The following MEIS2 variants were observed in gnomAD, a reference collection of about 807,000 sequenced individuals.
MEIS2 encodes the protein Meis homeobox 2.
Under a neutral mutation model 58.6 loss-of-function variants are expected in MEIS2, and 9 were observed. The ratio of observed to expected loss-of-function variants is 0.15; its 90% CI spans 0.09 to 0.27. The LOEUF (loss-of-function observed/expected upper bound fraction) is 0.27, where lower values mean the gene tolerates loss of function less well. Ranked by LOEUF, MEIS2 falls within the 10% of genes least tolerant of loss-of-function variation. The probability of loss-of-function intolerance (pLI) is 1.00; values close to 1 mark genes in which losing one functional copy is unlikely to be tolerated. For missense variants in MEIS2, 427 were observed against 635.0 expected, an observed-to-expected ratio of 0.67 and a Z score of 3.52; for synonymous variants, 221 against 228.4, an observed-to-expected ratio of 0.97 and a Z score of 0.29.
rs187186165 is a variant in MEIS2, at chr15:36,959,584, G to A, written c.901-9184C>T. Among the ~76,000 whole-genome samples the A allele has an allele frequency of 1.4e-3, 220 of 152,284 alleles. 1 individual carries two copies. The highest frequency in any genetic ancestry group is 4.9e-3 in the African/African-American group (202 of 41,554). On this transcript the variant is annotated intron_variant, in intron 8 of 11. Coordinates refer to ENST00000561208, the MANE Select transcript of MEIS2 (RefSeq NM_170675.5). Reference sequence around the variant, plus strand: ...GGGAAGTTAGTGGAGGTAAAAGCCAGATAGAAAATGAGAAGGAAGATTTAG... The same window carrying A: ...GGGAAGTTAGTGGAGGTAAAAGCCAAATAGAAAATGAGAAGGAAGATTTAG...
chr15:36,967,514 C>G lies in MEIS2; in HGVS notation c.901-17114G>C, dbSNP rs547766776. ...TAAATTGACTACAAATTGGCCCCAG[C>G]AGTCACCACCTAGCAAGTACACAAG... is the stretch of plus-strand genomic sequence containing the variant. On this transcript the variant is annotated intron_variant, in intron 8 of 11. Coordinates refer to ENST00000561208, the MANE Select transcript of MEIS2 (RefSeq NM_170675.5). Among the ~76,000 whole-genome samples, 37 of 152,186 alleles carry G rather than the reference C, an allele frequency of 2.4e-4. 1 individual carries two copies. Among genetic ancestry groups the G allele is most frequent in the Non-Finnish European group, 7.3e-5 (5 of 68,032 alleles).
intron 9 of MEIS2, among the ~76,000 whole-genome samples, chr15:36,946,186 T>C (rs1184903080): frequency 1.3e-5 from 2 of 152,010 alleles, no homozygotes; most frequent in Admixed American, 6.6e-5. Context: ...ATGATTACTG[T>C]TACTAAAGAT....
At chr15:36,897,443 AAGG>A (rs1286203807) in intron 9 of MEIS2, 1 of 152,228 alleles carries the variant, frequency 6.6e-6, no homozygotes, top group Non-Finnish European at 1.5e-5. Context: ...CAGGAATGCA[AAGG>A]AGAAGCAGTT....
chr15:37,066,534 A>C (rs1231601972), intron 7 of MEIS2: 1 of 152,188 alleles, frequency 6.6e-6, no homozygotes, highest in Non-Finnish European at 1.5e-5. Flanking sequence ...AAATCTGAAA[A>C]ATTCTGGGGG....
chr15:36,938,433 C>A (rs2058255189), intron 9 of MEIS2, among the ~76,000 whole-genome samples: 1 of 152,210 alleles, frequency 6.6e-6, no homozygotes, highest in South Asian at 2.1e-4. Flanking sequence ...CCCCAAGCCC[C>A]TGCTCCCAGG....
chr15:36,935,609 T>C (rs1399988092), intron 9 of MEIS2, among the ~76,000 whole-genome samples: 3 of 152,150 alleles, frequency 2.0e-5, no homozygotes, highest in African/African-American at 7.2e-5. Context: ...CATCATATGA[T>C]CATACTGCAT....
intron 8 of MEIS2, among the ~76,000 whole-genome samples, chr15:36,961,647 T>C (rs986875347): frequency 6.6e-6 from 1 of 152,030 alleles, no homozygotes; most frequent in African/African-American, 2.4e-5. Flanking sequence ...GACAAAAAAA[T>C]CAGAAAATAT....
At chr15:37,062,778 T>C (rs773986259) in intron 7 of MEIS2, among the ~76,000 whole-genome samples, 3 of 152,220 alleles carry the variant, frequency 2.0e-5, no homozygotes, top group Non-Finnish European at 4.4e-5. Context: ...ATGTGCCATA[T>C]GTTTTTGGAA....
At chr15:37,066,054 G>A (rs1315719378) in intron 7 of MEIS2, among the ~76,000 whole-genome samples, 1 of 152,180 alleles carries the variant, frequency 6.6e-6, no homozygotes, top group East Asian at 1.9e-4. Context: ...TAAGAACAAG[G>A]AGAAGATAAC....
At chr15:36,893,289 C>T (rs1381663028) in intron 11 of MEIS2, among the ~76,000 whole-genome samples, 1 of 152,214 alleles carries the variant, frequency 6.6e-6, no homozygotes, top group African/African-American at 2.4e-5. Flanking sequence ...TCTAAAAGGA[C>T]AGCTTTATTC....
intron 8 of MEIS2, among the ~76,000 whole-genome samples, chr15:37,021,806 C>A (rs978744998): frequency 6.6e-6 from 1 of 152,152 alleles, no homozygotes; most frequent in African/African-American, 2.4e-5. Flanking sequence ...GATCTCCCTA[C>A]CCAAGGATAA....
intron 6 of MEIS2, among the ~76,000 whole-genome samples, chr15:37,091,712 A>T (rs879324129): frequency 2.0e-5 from 3 of 152,172 alleles, no homozygotes; most frequent in Non-Finnish European, 2.9e-5. Context: ...ATTTTATCTT[A>T]TCTTTTCTAT....
intron 9 of MEIS2, among the ~76,000 whole-genome samples, chr15:36,912,744 G>A (rs1044104468): frequency 6.7e-6 from 1 of 149,230 alleles, no homozygotes; most frequent in African/African-American, 2.5e-5. Flanking sequence ...CTAAATATAT[G>A]AAGGAATGCA....
At chr15:36,989,813 A>G (rs1454585523) in intron 8 of MEIS2, among the ~76,000 whole-genome samples, 1 of 152,220 alleles carries the variant, frequency 6.6e-6, no homozygotes, top group Non-Finnish European at 1.5e-5. Flanking sequence ...TGACCATTAC[A>G]TGACAGTTGT....
At chr15:37,029,412 C>G (rs1484714022) in intron 8 of MEIS2, among the ~76,000 whole-genome samples, 1 of 152,098 alleles carries the variant, frequency 6.6e-6, no homozygotes, top group Non-Finnish European at 1.5e-5. Context: ...GTCTCAGAAT[C>G]ATGAAGGCCC....
At chr15:36,937,115 G>C (rs698455) in intron 9 of MEIS2, among the ~76,000 whole-genome samples, 114 of 152,204 alleles carry the variant, frequency 7.5e-4, no homozygotes, top group African/African-American at 2.6e-3. Flanking sequence ...GTTTTGAGGT[G>C]GGATATGATA....
At chr15:36,976,631 TAGC>T (rs1392706943) in intron 8 of MEIS2, among the ~76,000 whole-genome samples, 6 of 151,772 alleles carry the variant, frequency 4.0e-5, no homozygotes, top group Non-Finnish European at 5.9e-5. Flanking sequence ...CCTAGACAAA[TAGC>T]AGCAGATCTA....
chr15:37,008,918 C>A (rs1206182668), intron 8 of MEIS2, among the ~76,000 whole-genome samples: 1 of 152,166 alleles, frequency 6.6e-6, no homozygotes, highest in African/African-American at 2.4e-5. Flanking sequence ...ATATCTCCCC[C>A]CTCTTAAATT....
chr15:37,082,090 G>T lies in MEIS2; in HGVS notation c.754+1681C>A, dbSNP rs536658899. ...CAGAACCAGTCAGTTTTAAATTTCA[G>T]TTGGGACCTTGGTGACCTGTTAATG... On this transcript the variant is annotated intron_variant, in intron 7 of 11. Transcript: ENST00000561208. Among the ~76,000 whole-genome samples, 81 of 152,216 alleles carry T rather than the reference G, an allele frequency of 5.3e-4. No individual in the cohort carries two copies. The South Asian group carries it at 6.6e-3, about 12-fold the overall frequency.
Sources: allele counts gnomAD v4.1 joint callset (sites outside exome capture counted in the v4.1 genomes callset), GRCh38; gene constraint gnomAD v4.1.1; transcripts MANE v1.5; gene names NCBI Gene and HGNC (gene_info 2026-07-23, HGNC 2026-07-21).